The following FBXW7 variants were observed in gnomAD, a reference collection of about 807,000 sequenced individuals.
FBXW7 encodes the protein F-box/WD repeat-containing protein 7.
Under a neutral mutation model 86.3 loss-of-function variants are expected in FBXW7, and 11 were observed. The ratio of observed to expected loss-of-function variants is 0.13; its 90% CI spans 0.08 to 0.21. FBXW7 has a LOEUF of 0.21. FBXW7 is among the 10% of genes least tolerant of loss of function. The probability of loss-of-function intolerance (pLI) is 1.00; values close to 1 mark genes in which losing one functional copy is unlikely to be tolerated. For missense variants in FBXW7, 488 were observed against 847.4 expected, an observed-to-expected ratio of 0.58 and a Z score of 5.27; for synonymous variants, 313 against 297.9, an observed-to-expected ratio of 1.05 and a Z score of -0.52.
chr4:152,359,367 G>C (rs779280838), intron 4 of FBXW7, among the ~76,000 whole-genome samples: 3 of 152,074 alleles, frequency 2.0e-5, no homozygotes, highest in Admixed American at 1.3e-4. Context: ...TTGGGAGGCC[G>C]AGGCAGGAGG....
chr4:152,385,973 C>T (rs377348459), intron 4 of FBXW7, among the ~76,000 whole-genome samples: 18 of 151,834 alleles, frequency 1.2e-4, no homozygotes, highest in African/African-American at 4.4e-4. Flanking sequence ...ATGCGATATT[C>T]CCAATCAACA....
At chr4:152,430,561 AAAG>A (rs1739793914) in intron 2 of FBXW7, among the ~76,000 whole-genome samples, 1 of 152,118 alleles carries the variant, frequency 6.6e-6, no homozygotes, top group Admixed American at 6.5e-5. Context: ...AAGAAAGAAA[AAAG>A]AACAGTTTTA....
At chr4:152,485,246 A>G (rs1745239958) in intron 2 of FBXW7, among the ~76,000 whole-genome samples, 1 of 152,162 alleles carries the variant, frequency 6.6e-6, no homozygotes. Context: ...CAAGATAAGT[A>G]AATAGGCTTA....
intron 2 of FBXW7, among the ~76,000 whole-genome samples, chr4:152,431,386 GA>G (rs907198321): frequency 7.9e-5 from 12 of 151,730 alleles, no homozygotes; most frequent in Admixed American, 6.6e-4. Context: ...AACAGAACAG[GA>G]AAAAAAAGCT....
At chr4:152,382,317 G>T (rs758789223) in intron 4 of FBXW7, 45 of 1,577,036 alleles carry the variant, frequency 2.9e-5, no homozygotes, top group Non-Finnish European at 3.8e-5. Context: ...TTTAGAGTAG[G>T]TTTTCCCGGT....
intron 6 of FBXW7, among the ~76,000 whole-genome samples, chr4:152,345,550 C>T (rs562902568): frequency 2.6e-5 from 4 of 152,036 alleles, no homozygotes; most frequent in East Asian, 1.9e-4. Context: ...CAGTGTCCTG[C>T]GCCCCATCCC....
intron 2 of FBXW7, among the ~76,000 whole-genome samples, chr4:152,488,930 A>G (rs911076727): frequency 6.6e-5 from 10 of 152,108 alleles, no homozygotes; most frequent in Non-Finnish European, 1.5e-4. Context: ...CAATTTAGGG[A>G]GTAAGCCAGG....
At chr4:152,326,334 CTTT>C (rs367926135) in intron 11 of FBXW7, 103 bp from the exon 12 acceptor site, 10,593 of 535,418 alleles carry the variant, frequency 0.02, no homozygotes, top group East Asian at 0.024. Flanking sequence ...GGTTTTTTAG[CTTT>C]TTTTTTTTTT....
At chr4:152,330,012 T>C (rs1453345105) in intron 9 of FBXW7, among the ~76,000 whole-genome samples, 1 of 151,926 alleles carries the variant, frequency 6.6e-6, no homozygotes, top group Non-Finnish European at 1.5e-5. Flanking sequence ...ATTAAAGTTT[T>C]ACTGCATCAA....
At chr4:152,481,434 G>A (rs1744867366) in intron 2 of FBXW7, among the ~76,000 whole-genome samples, 1 of 152,184 alleles carries the variant, frequency 6.6e-6, no homozygotes, top group Non-Finnish European at 1.5e-5. Context: ...TTTCATGCCT[G>A]CTACCACCAC....
chr4:152,383,590 TCAGC>T (rs1735279671), intron 4 of FBXW7, among the ~76,000 whole-genome samples: 2 of 152,146 alleles, frequency 1.3e-5, no homozygotes, highest in African/African-American at 4.8e-5. Context: ...CAACAGCCAG[TCAGC>T]TCCACTTATC....
At chr4:152,526,687 C>G (rs897254719) in intron 2 of FBXW7, among the ~76,000 whole-genome samples, 2 of 152,110 alleles carry the variant, frequency 1.3e-5, no homozygotes, top group Non-Finnish European at 2.9e-5. Context: ...ACTAAAAAGG[C>G]TGATAACTGA....
intron 4 of FBXW7, among the ~76,000 whole-genome samples, chr4:152,354,620 A>G (rs1184401379): frequency 6.6e-6 from 1 of 152,154 alleles, no homozygotes; most frequent in Non-Finnish European, 1.5e-5. Context: ...TCAGTTAAGA[A>G]GAGACCAACT....
At chr4:152,530,682 A>G (rs1397076964) in intron 2 of FBXW7, 1 of 152,252 alleles carries the variant, frequency 6.6e-6, no homozygotes, top group Non-Finnish European at 1.5e-5. Flanking sequence ...CTAGAAAACA[A>G]AGACCACCAA....
At chr4:152,361,353 C>CT (rs530809611) in intron 4 of FBXW7, among the ~76,000 whole-genome samples, 19 of 151,924 alleles carry the variant, frequency 1.3e-4, no homozygotes, top group African/African-American at 4.6e-4. Context: ...CATATATATA[C>CT]TTTAACAAAT....
chr4:152,452,345 A>G (rs1741984547), intron 2 of FBXW7, among the ~76,000 whole-genome samples: 1 of 152,192 alleles, frequency 6.6e-6, no homozygotes. Flanking sequence ...CTTTGCTCAC[A>G]TTTTTTCCTT....
At chr4:152,495,798 T>A (rs972543764) in intron 2 of FBXW7, among the ~76,000 whole-genome samples, 1 of 152,134 alleles carries the variant, frequency 6.6e-6, no homozygotes, top group African/African-American at 2.4e-5. Flanking sequence ...TATAAAGACA[T>A]AGGCTTAGAA....
At chr4:152,501,460 T>C (rs1746941828) in intron 2 of FBXW7, among the ~76,000 whole-genome samples, 1 of 152,214 alleles carries the variant, frequency 6.6e-6, no homozygotes, top group African/African-American at 2.4e-5. Flanking sequence ...ATTGCCTAAC[T>C]TGCTCAAAGG....
chr4:152,337,634 T>TA, intron 7 of FBXW7, 168 bp downstream of exon 7: 1 of 593,132 alleles, frequency 1.7e-6, no homozygotes, highest in Non-Finnish European at 2.8e-6. Flanking sequence ...ACAATTACAT[T>TA]ATTAAGTCAT....
Sources: allele counts gnomAD v4.1 joint callset (sites outside exome capture counted in the v4.1 genomes callset), GRCh38; gene constraint gnomAD v4.1.1; transcripts MANE v1.5; gene names NCBI Gene and HGNC (gene_info 2026-07-23, HGNC 2026-07-21).